The following PNLIPRP3 variants were observed in gnomAD, a reference collection of about 807,000 sequenced individuals.
PNLIPRP3 encodes the protein pancreatic lipase related protein 3, also known as pancreatic lipase-related protein 3.
Under a neutral mutation model 52.8 loss-of-function variants are expected in PNLIPRP3, and 58 were observed. The observed-to-expected ratio is 1.10, with a 90% CI of 0.89 to 1.37. The LOEUF (loss-of-function observed/expected upper bound fraction) is 1.37. Among genes scored for constraint, PNLIPRP3 ranks in the 40% most tolerant of loss-of-function variants. The pLI, the probability that PNLIPRP3 is intolerant of heterozygous loss-of-function variation, is 0.00. For missense variants in PNLIPRP3, 593 were observed against 561.6 expected, an observed-to-expected ratio of 1.06 and a Z score of -0.57; for synonymous variants, 192 against 185.0, an observed-to-expected ratio of 1.04 and a Z score of -0.31.
chr10:116,468,126 CAAAAAAAAAAAAAA>C lies in PNLIPRP3; in HGVS notation c.928-1046_928-1033del, dbSNP rs5788168. ...GGCAACAGAGCCAGACTCTGTCTCG[CAAAAAAAAAAAAAA>C]AAAAAAAAAAAAGCAACGTCTACCA... On this transcript the variant is annotated intron_variant, in intron 8 of 11. Coordinates refer to ENST00000369230, the MANE Select transcript of PNLIPRP3 (RefSeq NM_001011709.3). Among the ~76,000 whole-genome samples the C allele has an allele frequency of 1.5e-4, 6 of 39,496 alleles. No individual in the cohort carries two copies. The Admixed American group carries it at 2.2e-3, about 15-fold the overall frequency. The allele number at this position is 39,496 out of a possible 152,430, so 25.9% of individuals were successfully genotyped here. A position where few individuals can be genotyped will look rare whatever the true frequency, so the allele number is the denominator to read the frequency against.
At chr10:116,453,176 G>GC (rs755974376) in intron 4 of PNLIPRP3, among the ~76,000 whole-genome samples, 12 of 152,290 alleles carry the variant, frequency 7.9e-5, no homozygotes, top group Non-Finnish European at 1.3e-4. Flanking sequence ...TTTAATGCCT[G>GC]CCCTGCTGGG....
chr10:116,447,993 GGA>G (rs1589980515), intron 4 of PNLIPRP3, among the ~76,000 whole-genome samples: 1 of 121,478 alleles, frequency 8.2e-6, no homozygotes. Flanking sequence ...AAGGAAGGAA[GGA>G]GAGAGAGAGA....
intron 1 of PNLIPRP3, among the ~76,000 whole-genome samples, chr10:116,431,096 T>G (rs999118736): frequency 3.9e-5 from 6 of 152,170 alleles, no homozygotes; most frequent in African/African-American, 1.4e-4. Context: ...TCACTGCCAA[T>G]CAGTCAGCAC....
intron 2 of PNLIPRP3, chr10:116,440,098 T>C: frequency 1.5e-6 from 1 of 674,770 alleles, no homozygotes; most frequent in Non-Finnish European, 2.6e-6. Flanking sequence ...GAAGAGAATC[T>C]ATGTAGAATA....
chr10:116,428,596 T>C (rs548681352), intron 1 of PNLIPRP3, among the ~76,000 whole-genome samples: 2 of 152,296 alleles, frequency 1.3e-5, no homozygotes, highest in Non-Finnish European at 2.9e-5. Flanking sequence ...GGGCTGTTAG[T>C]CTGTGGACAT....
At chr10:116,429,541 A>T (rs1242143416) in intron 1 of PNLIPRP3, among the ~76,000 whole-genome samples, 2 of 152,182 alleles carry the variant, frequency 1.3e-5, no homozygotes, top group African/African-American at 4.8e-5. Context: ...GCCAATCTTG[A>T]CTTTCAGTTC....
intron 8 of PNLIPRP3, among the ~76,000 whole-genome samples, chr10:116,468,308 G>A (rs1257222516): frequency 2.0e-5 from 3 of 151,954 alleles, no homozygotes; most frequent in Non-Finnish European, 2.9e-5. Context: ...TCTATCGATT[G>A]CTAAAGAAAA....
intron 4 of PNLIPRP3, among the ~76,000 whole-genome samples, chr10:116,449,015 CAAAAAA>C (rs59582445): frequency 3.0e-4 from 40 of 133,998 alleles, no homozygotes; most frequent in East Asian, 4.4e-4. Context: ...GACTCCATCT[CAAAAAA>C]AAAAAAAAAA....
At chr10:116,463,883 C>T (rs1846236459) in intron 7 of PNLIPRP3, among the ~76,000 whole-genome samples, 1 of 152,014 alleles carries the variant, frequency 6.6e-6, no homozygotes, top group Non-Finnish European at 1.5e-5. Flanking sequence ...ACCTGTAATC[C>T]CAGCACTTTG....
chr10:116,448,017 GGAAGGAAGGAAA>G (rs1845978422), intron 4 of PNLIPRP3, among the ~76,000 whole-genome samples: 1 of 39,066 alleles, frequency 2.6e-5, no homozygotes, highest in African/African-American at 5.0e-5. Context: ...AGAAAAGGAA[GGAAGGAAGGAAA>G]GAAAGAAAGA....
At chr10:116,461,430 C>T in intron 7 of PNLIPRP3, 140 bp downstream of exon 7, 1 of 1,038,002 alleles carries the variant, frequency 9.6e-7, no homozygotes, top group South Asian at 1.7e-5. Context: ...AAGAAGCTCT[C>T]CCACCTGTTC....
At chr10:116,466,015 A>G (rs1846276967) in intron 7 of PNLIPRP3, 35 bp from the exon 8 acceptor site, 1 of 1,422,514 alleles carries the variant, frequency 7.0e-7, no homozygotes, top group Admixed American at 1.7e-5. Flanking sequence ...GTTATCAGTT[A>G]ATTGCTATCA....
intron 2 of PNLIPRP3, among the ~76,000 whole-genome samples, chr10:116,437,920 T>C (rs1047638755): frequency 1.3e-5 from 2 of 152,096 alleles, no homozygotes; most frequent in African/African-American, 4.8e-5. Context: ...CATTTGACAA[T>C]GTTAAATAGA....
At chr10:116,470,833 A>G (rs1409486212) in intron 9 of PNLIPRP3, among the ~76,000 whole-genome samples, 2 of 152,150 alleles carry the variant, frequency 1.3e-5, no homozygotes, top group Non-Finnish European at 2.9e-5. Flanking sequence ...TATGACTTCT[A>G]AAAATGGAAG....
Position 116,455,633 on chromosome 10 carries a change from T to G in PNLIPRP3, c.457-89T>G. 3.4e-6 allele frequency: 3 copies of G among 869,680 alleles called. No individual in the cohort carries two copies. The South Asian group carries it at 5.1e-5, about 15-fold the overall frequency. 53.9% of individuals were successfully genotyped at this position (869,680 alleles called of 1,614,324 possible). On this transcript the variant is annotated intron_variant, in intron 4 of 11. Coordinates refer to ENST00000369230, the MANE Select transcript of PNLIPRP3 (RefSeq NM_001011709.3). ...TTATGTGCAAAAGGGAGAACCATGT[T>G]GATCCTTTTTTTTTTCTATTTTTAA... is the stretch of plus-strand genomic sequence containing the variant.
chr10:116,438,433 C>T (rs1564693335), intron 2 of PNLIPRP3, among the ~76,000 whole-genome samples: 1 of 152,198 alleles, frequency 6.6e-6, no homozygotes, highest in Non-Finnish European at 1.5e-5. Context: ...GCAGTCTTCT[C>T]CTATGCACTC....
chr10:116,459,428 C>A (rs1250766386), intron 5 of PNLIPRP3, among the ~76,000 whole-genome samples: 1 of 152,104 alleles, frequency 6.6e-6, no homozygotes, highest in African/African-American at 2.4e-5. Context: ...ACTCCGGGAT[C>A]CAGCCTCTAT....
chr10:116,474,318 A>G lies in PNLIPRP3; in HGVS notation c.1173-2334A>G, dbSNP rs530018335. ...TTAACTCAAGATAGATTAAAGACTT[A>G]AATGTAAAACCCAGAACTATAAAAA... On this transcript the variant is annotated intron_variant, in intron 10 of 11. Transcript: ENST00000369230. 1.1e-4 allele frequency among the ~76,000 whole-genome samples: 17 copies of G among 152,358 alleles called. No individual in the cohort carries two copies. The South Asian group carries it at 3.5e-3, about 32-fold the overall frequency.
At chr10:116,447,364 C>T (rs1004120918) in intron 4 of PNLIPRP3, among the ~76,000 whole-genome samples, 2 of 152,136 alleles carry the variant, frequency 1.3e-5, no homozygotes, top group Non-Finnish European at 2.9e-5. Context: ...TCCATGAACA[C>T]CCTCGCAGAG....
Sources: gnomAD v4.1 joint callset for allele counts (sites outside exome capture counted in the v4.1 genomes callset) on GRCh38, gnomAD v4.1.1 for gene constraint, MANE v1.5 for transcripts, NCBI Gene and HGNC (gene_info 2026-07-23, HGNC 2026-07-21) for gene names.